Variants in RP1 observed in about 807,000 individuals in gnomAD.
RP1 encodes oxygen-regulated protein 1.
RP1 carries 16 observed loss-of-function variants against 14.8 expected under a neutral mutation model. The observed-to-expected ratio is 1.08, with a 90% CI of 0.73 to 1.65. RP1 has a LOEUF of 1.65. Ranked by LOEUF, RP1 falls within the 40% of genes most tolerant of loss-of-function variation. RP1 has a pLI of 0.00. For synonymous variants in RP1, 876 were observed against 883.6 expected, an observed-to-expected ratio of 0.99 and a Z score of 0.15; for missense variants, 2,631 against 2,535.0, an observed-to-expected ratio of 1.04 and a Z score of -0.81.
chr8:54,828,213 T>C (rs1811431856), intron 24 of RP1, among the ~76,000 whole-genome samples: 5 of 152,232 alleles, frequency 3.3e-5, no homozygotes, highest in Admixed American at 3.3e-4. Context: ...AGTAAATATA[T>C]AAACCAGTAG....
At chr8:54,821,369 A>C (rs184511836) in intron 24 of RP1, among the ~76,000 whole-genome samples, 1 of 151,964 alleles carries the variant, frequency 6.6e-6, no homozygotes, top group African/African-American at 2.4e-5. Context: ...GTGGACATCC[A>C]AAAAAAACAG....
At chr8:54,664,704 A>G (rs527520918) in intron 7 of RP1, among the ~76,000 whole-genome samples, 1 of 152,294 alleles carries the variant, frequency 6.6e-6, no homozygotes, top group East Asian at 1.9e-4. Context: ...ATGTTTGTTC[A>G]AGTCCTTTGC....
chr8:54,592,329 G>A (rs1274707711), intron 1 of RP1, among the ~76,000 whole-genome samples: 1 of 152,116 alleles, frequency 6.6e-6, no homozygotes, highest in African/African-American at 2.4e-5. Context: ...TTCTGGTTAG[G>A]GTGACAGCAA....
intron 12 of RP1, among the ~76,000 whole-genome samples, chr8:54,683,300 A>G (rs1428109808): frequency 6.6e-6 from 1 of 152,186 alleles, no homozygotes; most frequent in Non-Finnish European, 1.5e-5. Flanking sequence ...CTTTGGTTCC[A>G]TATGAATTTT....
chr8:54,830,119 A>G lies in RP1; in HGVS notation c.3616-7331A>G, dbSNP rs897141049. Among the ~76,000 whole-genome samples, 3 of 152,130 alleles carry G rather than the reference A, an allele frequency of 2.0e-5. No individual in the cohort carries two copies. The East Asian group carries it at 5.8e-4, about 29-fold the overall frequency. ...TTGTAAATATCTATCAATTATTGAG[A>G]GAAGATGTTAAAATCGCCAAATATG... On this transcript the variant is annotated intron_variant, in intron 24 of 28. Coordinates refer to the RP1 transcript ENST00000637698.
rs1366938257 is a variant in RP1, at chr8:54,594,021, T to C, written c.-12-26934T>C. On this transcript the variant is annotated intron_variant, in intron 1 of 22. Coordinates refer to the RP1 transcript ENST00000636932. ...CATCATTCCTGAACTCTGAGAGAAC[T>C]TGGGACCAGGAACTTGGTTCTTCTT... Among the ~76,000 whole-genome samples the C allele has an allele frequency of 7.3e-5, 11 of 151,658 alleles. No individual in the cohort carries two copies. In the East Asian group the frequency reaches 2.1e-3, roughly 30 times the overall value.
Position 54,625,053 on chromosome 8 carries a change from GTGT to G in RP1, c.1172_1174del (p.Val391_Ser392delinsAla). ...TGCAGCATGTTCATTCTCTGCAGAT[GTGT>G]CACCTATGGAGCGAAGCAGTAATCA... On this transcript the variant is annotated inframe_deletion, in exon 4 of 4. Transcript: ENST00000220676. 1 of 1,614,204 alleles carries G rather than the reference GTGT, an allele frequency of 6.2e-7. No homozygotes were observed. Among genetic ancestry groups the G allele is most frequent in the Non-Finnish European group, 8.5e-7 (1 of 1,180,046 alleles).
intron 1 of RP1, among the ~76,000 whole-genome samples, chr8:54,569,291 G>T (rs1448403388): frequency 6.6e-6 from 1 of 152,158 alleles, no homozygotes; most frequent in African/African-American, 2.4e-5. Context: ...TGGATTCTTG[G>T]GGTCCCAAGG....
At position 54,621,172 on chromosome 8, in the gene RP1, A is replaced by G. The variant is rs1420378426; in HGVS notation, c.206A>G (p.Asn69Ser). The change falls in exon 2 of 4, where the codon AAC becomes AGC. Residue 69 changes from asparagine (N) to serine (S), a missense_variant. Physicochemically the swap from Asn to Ser is conservative, Grantham distance 46 (BLOSUM62 1). Coordinates refer to ENST00000220676, the MANE Select transcript of RP1 (RefSeq NM_006269.2). ...AAGTCCTTTGATGCTCTGCTGGATAACTTGTCCAGGAAGGTGCCCCTCCCT... is the reference window on the plus strand; with the variant it reads ...AAGTCCTTTGATGCTCTGCTGGATAGCTTGTCCAGGAAGGTGCCCCTCCCT... Reference protein sequence around the residue: ...SFKSFDALLDNLSRKVPLPFG... With the variant: ...SFKSFDALLDSLSRKVPLPFG... 1 of 1,613,914 alleles carries G rather than the reference A, an allele frequency of 6.2e-7. No individual in the cohort carries two copies. Among genetic ancestry groups the G allele is most frequent in the Admixed American group, 1.7e-5 (1 of 59,998 alleles).
At chr8:54,756,150 TAAC>T (rs1365048515) in intron 21 of RP1, among the ~76,000 whole-genome samples, 4 of 152,238 alleles carry the variant, frequency 2.6e-5, no homozygotes, top group African/African-American at 9.6e-5. Flanking sequence ...TTTCATATAA[TAAC>T]ACAATGACCT....
intron 6 of RP1, among the ~76,000 whole-genome samples, chr8:54,659,903 A>G (rs1259582369): frequency 1.3e-5 from 2 of 152,144 alleles, no homozygotes; most frequent in African/African-American, 4.8e-5. Flanking sequence ...AACGTTTTGT[A>G]GTTTTCACTG....
intron 12 of RP1, among the ~76,000 whole-genome samples, chr8:54,694,834 A>T (rs1332210705): frequency 2.0e-5 from 3 of 151,388 alleles, no homozygotes; most frequent in African/African-American, 7.3e-5. Flanking sequence ...TTCTTCTCTG[A>T]TTTTAGTTAT....
intron 22 of RP1, among the ~76,000 whole-genome samples, chr8:54,760,832 A>G (rs759664288): frequency 5.3e-5 from 8 of 152,030 alleles, no homozygotes; most frequent in East Asian, 3.9e-4. Context: ...TCCAATTCCA[A>G]TTTGGCCTGT....
chr8:54,761,194 C>A (rs1394474024), intron 22 of RP1, among the ~76,000 whole-genome samples: 1 of 149,750 alleles, frequency 6.7e-6, no homozygotes, highest in Non-Finnish European at 1.5e-5. Context: ...TCTACACATA[C>A]ATTTCACATC....
chr8:54,823,522 G>T (rs1386049622), intron 24 of RP1, among the ~76,000 whole-genome samples: 2 of 152,066 alleles, frequency 1.3e-5, no homozygotes, highest in Admixed American at 6.5e-5. Context: ...TAGAGACGGG[G>T]TTTCACCATG....
intron 26 of RP1, among the ~76,000 whole-genome samples, chr8:54,855,089 G>A (rs1812159015): frequency 6.6e-6 from 1 of 152,040 alleles, no homozygotes; most frequent in Non-Finnish European, 1.5e-5. Context: ...CCAGCCCTTG[G>A]CAACCACCAT....
chr8:54,655,921 C>T (rs1213811307), intron 5 of RP1, among the ~76,000 whole-genome samples: 3 of 151,908 alleles, frequency 2.0e-5, no homozygotes, highest in African/African-American at 7.3e-5. Context: ...GCCATTGTAC[C>T]TGAGATGGCA....
intron 26 of RP1, among the ~76,000 whole-genome samples, chr8:54,854,069 A>C (rs1408164233): frequency 6.6e-6 from 1 of 152,184 alleles, no homozygotes; most frequent in Non-Finnish European, 1.5e-5. Context: ...CAGTATTATA[A>C]AGTTCTTCCT....
At chr8:54,814,167 G>C (rs569086670) in intron 24 of RP1, among the ~76,000 whole-genome samples, 1 of 152,064 alleles carries the variant, frequency 6.6e-6, no homozygotes, top group Non-Finnish European at 1.5e-5. Context: ...CTTTTGACTT[G>C]GTTTTGGATG....
Sources: gnomAD v4.1 joint callset for allele counts (sites outside exome capture counted in the v4.1 genomes callset) on GRCh38, gnomAD v4.1.1 for gene constraint, MANE v1.5 for transcripts, NCBI Gene and HGNC (gene_info 2026-07-23, HGNC 2026-07-21) for gene names.